The following GIT2 variants were observed in gnomAD, a reference collection of about 807,000 sequenced individuals.
GIT2 encodes the protein GIT ArfGAP 2, also known as ARF GTPase-activating protein GIT2.
In GIT2, 32 loss-of-function variants were observed where a neutral mutation model predicts 100.3. The ratio of observed to expected loss-of-function variants is 0.32; its 90% CI spans 0.24 to 0.43. GIT2 has a LOEUF of 0.43. Ranked by LOEUF, GIT2 falls within the 20% of genes least tolerant of loss-of-function variation. The pLI, the probability that GIT2 is intolerant of heterozygous loss-of-function variation, is 1.00. For synonymous variants in GIT2, 353 were observed against 364.1 expected (o/e 0.97, Z 0.35); for missense variants, 737 against 975.1 (o/e 0.76, Z 3.25).
At chr12:109,999,937 G>C (rs1301675913), upstream of GIT2, among the ~76,000 whole-genome samples, 1 of 152,202 alleles carries the variant, frequency 6.6e-6, no homozygotes, top group Non-Finnish European at 1.5e-5. This position sits in a 1 kb window ranked among gnomAD's most constrained non-coding sequence, Gnocchi z 4.3. Context: ...AATAGGACAC[G>C]TATCGAGTGC....
intron 7 of GIT2, among the ~76,000 whole-genome samples, chr12:109,971,202 T>C (rs751108559): frequency 3.3e-5 from 5 of 152,238 alleles, no homozygotes; most frequent in Non-Finnish European, 7.3e-5. Context: ...TTCATATCCA[T>C]AAGCACAGTA....
rs555074240 is a variant in GIT2, at chr12:109,976,476, G to C, written c.718+4476C>G. Among the ~76,000 whole-genome samples, 7 of 151,750 alleles carry C rather than the reference G, an allele frequency of 4.6e-5. No individual in the cohort carries two copies. In the East Asian group the frequency reaches 1.4e-3, roughly 30 times the overall value. ...ATTTTTTGTATTTGTAGTAGAGACG[G>C]GGTTTCATCGTGTTAGCCAGGATGG... On this transcript the variant is annotated intron_variant, in intron 7 of 19. Coordinates refer to ENST00000355312, the MANE Select transcript of GIT2 (RefSeq NM_057169.5).
intron 8 of GIT2, among the ~76,000 whole-genome samples, chr12:109,967,066 C>T (rs1164522698): frequency 1.3e-5 from 2 of 152,126 alleles, no homozygotes; most frequent in Non-Finnish European, 2.9e-5. Flanking sequence ...TAAGCTGTTG[C>T]GAAAGCGGCC....
chr12:109,990,748 T>G (rs1714408362), intron 2 of GIT2, among the ~76,000 whole-genome samples: 1 of 152,226 alleles, frequency 6.6e-6, no homozygotes, highest in African/African-American at 2.4e-5. Context: ...GACATGACAT[T>G]GGACTCCAGA....
At chr12:109,999,764 G>C (rs966165725), upstream of GIT2, 5 of 1,530,166 alleles carry the variant, frequency 3.3e-6, no homozygotes, top group Non-Finnish European at 3.5e-6. The surrounding 1 kb of genome is among the most constrained non-coding windows in gnomAD (Gnocchi z 4.3). Flanking sequence ...CCGGCAGCTC[G>C]AGAAGGAGCT....
intron 15 of GIT2, among the ~76,000 whole-genome samples, chr12:109,945,751 A>G (rs923727897): frequency 6.6e-6 from 1 of 152,218 alleles, no homozygotes; most frequent in African/African-American, 2.4e-5. Context: ...ATATATCTTT[A>G]TATTCTAATT....
At chr12:109,961,161 T>C in intron 11 of GIT2, 117 bp downstream of exon 11, 1 of 649,708 alleles carries the variant, frequency 1.5e-6, no homozygotes, top group Admixed American at 2.5e-5. Flanking sequence ...TGTATATATG[T>C]ATAAAGGATA....
intron 9 of GIT2, among the ~76,000 whole-genome samples, chr12:109,965,202 C>T (rs893275524): frequency 1.7e-4 from 26 of 152,164 alleles, no homozygotes; most frequent in Admixed American, 1.4e-3. Flanking sequence ...CCCAAGAACG[C>T]GTGCCCTACT....
chr12:109,978,977 T>C (rs368367125), intron 7 of GIT2, among the ~76,000 whole-genome samples: 3 of 152,236 alleles, frequency 2.0e-5, no homozygotes, highest in East Asian at 3.9e-4. Flanking sequence ...TATGCAAAAA[T>C]GTTCATATTT....
At chr12:109,988,607 C>T (rs1318757679) in intron 4 of GIT2, among the ~76,000 whole-genome samples, 5 of 152,084 alleles carry the variant, frequency 3.3e-5, no homozygotes. Flanking sequence ...GCAATCCCAA[C>T]ACTAGGAGGC....
At position 109,955,085 on chromosome 12, in the gene GIT2, A is replaced by G. The variant is rs1365739464; in HGVS notation, c.1100-1851T>C. Among the ~76,000 whole-genome samples the G allele has an allele frequency of 3.9e-5, 6 of 152,058 alleles. 1 individual carries two copies. The highest frequency in any genetic ancestry group is 3.9e-4 in the Admixed American group (6 of 15,248). On this transcript the variant is annotated intron_variant, in intron 12 of 19. Coordinates refer to ENST00000355312, the MANE Select transcript of GIT2 (RefSeq NM_057169.5). ...TTTCTAGGTTTTTCTCCGAGCACTT[A>G]TAGCCACACACAGTCAATTCTTGTT...
intron 4 of GIT2, 115 bp downstream of exon 4, chr12:109,988,848 C>CA (rs59956597): frequency 0.036 from 7,271 of 202,196 alleles, 5 homozygotes; most frequent in East Asian, 0.042. Flanking sequence ...GACTCTGTCT[C>CA]AAAAAAAAAA....
At chr12:109,954,760 G>C (rs1156643995) in intron 12 of GIT2, among the ~76,000 whole-genome samples, 1 of 151,960 alleles carries the variant, frequency 6.6e-6, no homozygotes, top group African/African-American at 2.4e-5. Context: ...TTAGCTGGGC[G>C]TGGTGGTGCA....
intron 1 of GIT2, among the ~76,000 whole-genome samples, chr12:109,995,262 T>A (rs1281789763): frequency 6.6e-6 from 1 of 152,212 alleles, no homozygotes; most frequent in East Asian, 1.9e-4. Context: ...TATGAACAGT[T>A]ATGCATCATT....
At chr12:109,952,674 C>T in intron 13 of GIT2, 1 of 509,270 alleles carries the variant, frequency 2.0e-6, no homozygotes, top group Non-Finnish European at 3.9e-6. Flanking sequence ...TGACACAGCC[C>T]CACCTGATGC....
chr12:109,981,232 A>T (rs988490246), intron 6 of GIT2, 186 bp from the exon 7 acceptor site: 1 of 545,448 alleles, frequency 1.8e-6, no homozygotes, highest in Non-Finnish European at 3.3e-6. Flanking sequence ...AACTGTTTTC[A>T]CCATCTGAAC....
intron 7 of GIT2, among the ~76,000 whole-genome samples, chr12:109,979,439 A>AT (rs1467147696): frequency 1.3e-5 from 2 of 151,724 alleles, no homozygotes; most frequent in South Asian, 4.2e-4. Flanking sequence ...TGCCCAGCTA[A>AT]TTTTTTTGTA....
chr12:109,937,170 T>G (rs1464821212), intron 18 of GIT2, among the ~76,000 whole-genome samples: 1 of 152,180 alleles, frequency 6.6e-6, no homozygotes, highest in African/African-American at 2.4e-5. Flanking sequence ...TAAACATGGA[T>G]TATTCCCTTC....
chr12:109,945,457 G>C (rs1183320785), intron 15 of GIT2, 108 bp from the exon 16 acceptor site: 31 of 687,322 alleles, frequency 4.5e-5, no homozygotes, highest in East Asian at 2.7e-5. Flanking sequence ...ATTATGTGAC[G>C]TGAGTGCTGC....
Sources: gnomAD v4.1 joint callset for allele counts (sites outside exome capture counted in the v4.1 genomes callset) on GRCh38, gnomAD v4.1.1 for gene constraint, Gnocchi (gnomAD v3.1) non-coding constraint, MANE v1.5 for transcripts, NCBI Gene and HGNC (gene_info 2026-07-23, HGNC 2026-07-21) for gene names.